The following FER variants were observed in gnomAD, a reference collection of about 807,000 sequenced individuals.
FER encodes tyrosine-protein kinase Fer.
In FER, 63 loss-of-function variants were observed where a neutral mutation model predicts 111.0. The observed-to-expected ratio is 0.57, with a 90% confidence interval of 0.46 to 0.70. FER has a LOEUF of 0.70. FER is among the 30% of genes least tolerant of loss of function. The pLI is 0.00. For synonymous variants in FER, 327 were observed against 313.9 expected, an observed-to-expected ratio of 1.04 and a Z score of -0.44; for missense variants, 914 against 954.0, an observed-to-expected ratio of 0.96 and a Z score of 0.55.
At chr5:109,074,683 A>C (rs1025916668) in intron 16 of FER, among the ~76,000 whole-genome samples, 1 of 152,228 alleles carries the variant, frequency 6.6e-6, no homozygotes, top group African/African-American at 2.4e-5. Context: ...GCATCAAAGT[A>C]CCATTTAGAA....
At chr5:108,884,626 C>T (rs550807920) in intron 9 of FER, among the ~76,000 whole-genome samples, 2 of 151,862 alleles carry the variant, frequency 1.3e-5, no homozygotes. Context: ...CTTGTGCTCA[C>T]TTTTAAAATA....
At position 109,045,549 on chromosome 5, in the gene FER, A is replaced by C. The variant is rs1164587521; in HGVS notation, c.1829+754A>C. ...TAGTTTATTTTTAGTTCATGTTTAG[A>C]GTCCTATAGGTGAGTGCATTATCAA... On this transcript the variant is annotated intron_variant, in intron 15 of 19. Coordinates refer to ENST00000281092, the MANE Select transcript of FER (RefSeq NM_005246.4). Among the ~76,000 whole-genome samples the C allele has an allele frequency of 2.0e-5, 3 of 152,294 alleles. No homozygotes were observed. The East Asian group carries it at 5.8e-4, about 29-fold the overall frequency.
chr5:109,180,110 G>A (rs1244010938), intron 17 of FER, among the ~76,000 whole-genome samples: 2 of 152,152 alleles, frequency 1.3e-5, no homozygotes, highest in African/African-American at 4.8e-5. Flanking sequence ...ACAAAAAGAA[G>A]CCCAGTATGG....
chr5:108,966,547 C>T (rs539075932), intron 13 of FER, among the ~76,000 whole-genome samples: 5 of 151,830 alleles, frequency 3.3e-5, no homozygotes, highest in African/African-American at 7.3e-5. Flanking sequence ...GCCACCACGC[C>T]GGGCTAACTT....
At chr5:109,098,991 A>G (rs1330546764) in intron 16 of FER, among the ~76,000 whole-genome samples, 4 of 151,670 alleles carry the variant, frequency 2.6e-5, no homozygotes, top group Non-Finnish European at 5.9e-5. Context: ...CTTCACCTCT[A>G]TAGCTTTTCT....
At chr5:108,946,063 A>G (rs1159432739) in intron 10 of FER, 67 bp from the exon 11 acceptor site, 5 of 1,077,176 alleles carry the variant, frequency 4.6e-6, no homozygotes, top group Non-Finnish European at 4.2e-6. Flanking sequence ...AAGTACCTAA[A>G]TACATAAATG....
chr5:109,180,664 A>G (rs1296480386), intron 17 of FER, 83 bp from the exon 18 acceptor site: 6 of 1,438,888 alleles, frequency 4.2e-6, no homozygotes, highest in Middle Eastern at 3.7e-4. Flanking sequence ...CAAATGTAAA[A>G]ATGCAAAGTG....
intron 2 of FER, among the ~76,000 whole-genome samples, chr5:108,794,205 C>T (rs576584566): frequency 6.6e-6 from 1 of 150,552 alleles, no homozygotes; most frequent in South Asian, 2.1e-4. Context: ...TCCCCCTTAG[C>T]ATTTCCTTTT....
At chr5:109,056,280 T>G (rs947149941) in intron 16 of FER, among the ~76,000 whole-genome samples, 2 of 152,196 alleles carry the variant, frequency 1.3e-5, no homozygotes, top group African/African-American at 4.8e-5. Flanking sequence ...CTATATGTAT[T>G]GCAGTGTTAC....
Position 108,871,400 on chromosome 5 carries a change from G to C in FER, c.701G>C (p.Ser234Thr). 6.2e-7 allele frequency: 1 copy of C among 1,611,826 alleles called. No individual in the cohort carries two copies. Among genetic ancestry groups the C allele is most frequent in the South Asian group, 1.1e-5 (1 of 90,928 alleles). Reference protein sequence around the residue: ...GIFDEYSQITSLVTEEIVNVH... With the variant: ...GIFDEYSQITTLVTEEIVNVH... ...TTTGATGAATACAGCCAGATAACCAGTCTTGTCACAGAGGAAATAGTGAAT... is the reference window on the plus strand; with the variant it reads ...TTTGATGAATACAGCCAGATAACCACTCTTGTCACAGAGGAAATAGTGAAT... Residue 234 changes from serine to threonine, a missense_variant, in exon 7 of 20, where the codon AGT becomes ACT. Around this residue, in one of 3 missense-constraint regions of FER, gnomAD observed 774 missense variants for 782.6 expected, o/e 0.99. Transcript: ENST00000281092.
chr5:108,997,603 G>T (rs533982385), intron 13 of FER, among the ~76,000 whole-genome samples: 1 of 152,152 alleles, frequency 6.6e-6, no homozygotes, highest in East Asian at 1.9e-4. Flanking sequence ...GATGAGAGAC[G>T]GGGTCAGGGA....
At chr5:109,037,869 T>C (rs1185569679) in intron 14 of FER, among the ~76,000 whole-genome samples, 3 of 151,912 alleles carry the variant, frequency 2.0e-5, no homozygotes, top group South Asian at 2.1e-4. Flanking sequence ...TGTGATAGTT[T>C]AGAAAAAAAT....
chr5:109,109,515 T>G (rs1245473916), intron 17 of FER, among the ~76,000 whole-genome samples: 2 of 152,132 alleles, frequency 1.3e-5, no homozygotes, highest in Non-Finnish European at 2.9e-5. Flanking sequence ...AGTTACTTAC[T>G]ATGCTTCATT....
At chr5:108,910,388 CTTTCAGGTG>C (rs1751376831) in intron 10 of FER, among the ~76,000 whole-genome samples, 1 of 152,100 alleles carries the variant, frequency 6.6e-6, no homozygotes, top group Non-Finnish European at 1.5e-5. Flanking sequence ...CTTTTTATGA[CTTTCAGGTG>C]AAACACCAAA....
chr5:109,051,053 T>C (rs1313527419), intron 16 of FER, among the ~76,000 whole-genome samples: 1 of 152,214 alleles, frequency 6.6e-6, no homozygotes, highest in Non-Finnish European at 1.5e-5. Context: ...AATGGAACTC[T>C]TATTTATAAT....
chr5:108,879,197 T>A (rs1319075372), intron 8 of FER, among the ~76,000 whole-genome samples: 1 of 152,012 alleles, frequency 6.6e-6, no homozygotes, highest in Non-Finnish European at 1.5e-5. Context: ...ATATTTAATT[T>A]AAAAATATAA....
At chr5:109,026,783 A>G (rs1048300958) in intron 13 of FER, among the ~76,000 whole-genome samples, 3 of 152,152 alleles carry the variant, frequency 2.0e-5, no homozygotes, top group African/African-American at 7.2e-5. Flanking sequence ...GGTTCAAGGA[A>G]TTCTCCTGTC....
rs774608068 is a variant in FER, at chr5:108,871,417, A to G, written c.718A>G (p.Ile240Val). The change falls in exon 7 of 20, where the codon ATA (isoleucine) becomes GTA (valine). Residue 240 changes from isoleucine to valine, a missense_variant. Around this residue, in one of 3 missense-constraint regions of FER, gnomAD observed 774 missense variants for 782.6 expected, o/e 0.99. Transcript: ENST00000281092. ...GATAACCAGTCTTGTCACAGAGGAA[A>G]TAGTGAATGTCCATAAAGAGATTCA... Reference protein sequence around the residue: ...SQITSLVTEEIVNVHKEIQMS... With the variant: ...SQITSLVTEEVVNVHKEIQMS... The G allele has an allele frequency of 9.9e-6, 16 of 1,611,750 alleles. No homozygotes were observed. The African/African-American group carries it at 2.0e-4, about 20-fold the overall frequency.
chr5:108,836,917 C>G (rs938970794), intron 5 of FER, among the ~76,000 whole-genome samples: 10 of 152,042 alleles, frequency 6.6e-5, no homozygotes, highest in Non-Finnish European at 5.9e-5. Context: ...CTTCTCTCCC[C>G]GCTTCCCCCA....
Sources: allele counts gnomAD v4.1 joint callset (sites outside exome capture counted in the v4.1 genomes callset), GRCh38; gene constraint gnomAD v4.1.1; regional missense constraint gnomAD v4.1.1; transcripts MANE v1.5; gene names NCBI Gene and HGNC (gene_info 2026-07-23, HGNC 2026-07-21).